The following LNX1 variants were observed in gnomAD, a reference collection of about 807,000 sequenced individuals.
The protein encoded by LNX1 is E3 ubiquitin-protein ligase LNX.
LNX1 carries 54 observed loss-of-function variants against 68.4 expected under a neutral mutation model. That is an observed-to-expected ratio of 0.79 (90% confidence interval 0.63 to 0.99). The LOEUF (loss-of-function observed/expected upper bound fraction) is 0.99, where lower values mean the gene tolerates loss of function less well. LNX1 is among the 50% of genes least tolerant of loss of function. The pLI is 0.00. For synonymous variants in LNX1, 336 were observed against 350.0 expected, an observed-to-expected ratio of 0.96 and a Z score of 0.45; for missense variants, 906 against 926.4, an observed-to-expected ratio of 0.98 and a Z score of 0.29.
intron 1 of LNX1, chr4:53,576,150 G>C (rs1437614147): frequency 2.6e-6 from 4 of 1,565,916 alleles, no homozygotes; most frequent in Non-Finnish European, 3.5e-6. Context: ...AGCAGCAGGG[G>C]GCCTGGCTGC....
Position 53,459,875 on chromosome 4 carries a change from T to TATCA in LNX1, c.*1028_*1031dup, listed in dbSNP as rs575008436. On this transcript the variant is annotated 3_prime_UTR_variant, in exon 11 of 11. Coordinates refer to ENST00000263925, the MANE Select transcript of LNX1 (RefSeq NM_001126328.3). ...AAGGCTTGAGATTAAAACTAGTCTTTATCATTACTGCTGTGACACTCTTGC... is the reference window on the plus strand; with the variant it reads ...AAGGCTTGAGATTAAAACTAGTCTTTATCAATCATTACTGCTGTGACACTCTTGC... 1.3e-3 allele frequency: 299 copies of TATCA among 236,462 alleles called. No individual in the cohort carries two copies. Among genetic ancestry groups the TATCA allele is most frequent in the African/African-American group, 6.2e-3 (280 of 45,012 alleles). The allele number at this position is 236,462 out of a possible 1,614,324, so 14.6% of individuals were successfully genotyped here.
chr4:53,572,301 G>T (rs1263394493), intron 2 of LNX1, among the ~76,000 whole-genome samples: 1 of 152,166 alleles, frequency 6.6e-6, no homozygotes, highest in Non-Finnish European at 1.5e-5. Context: ...GGGAATGAGG[G>T]AGGTAGGGCA....
At chr4:53,481,285 C>T (rs1438329342) in intron 7 of LNX1, among the ~76,000 whole-genome samples, 1 of 152,166 alleles carries the variant, frequency 6.6e-6, no homozygotes, top group East Asian at 1.9e-4. Context: ...TCTTCCTGGG[C>T]CCTTCGGCAA....
At chr4:53,468,777 C>A (rs1284661794) in intron 9 of LNX1, among the ~76,000 whole-genome samples, 1 of 152,216 alleles carries the variant, frequency 6.6e-6, no homozygotes, top group Non-Finnish European at 1.5e-5. Flanking sequence ...ATCAATTCAA[C>A]AAGAAGAGCT....
chr4:53,477,014 T>C (rs535177300), intron 8 of LNX1, 33 bp from the exon 9 acceptor site: 4 of 1,567,854 alleles, frequency 2.6e-6, no homozygotes, highest in East Asian at 4.5e-5. Flanking sequence ...CTATCTTTAG[T>C]GAGAGCACAA....
At chr4:53,495,589 C>T (rs2109466719) in intron 6 of LNX1, among the ~76,000 whole-genome samples, 1 of 137,824 alleles carries the variant, frequency 7.3e-6, no homozygotes, top group South Asian at 2.4e-4. Context: ...ATTGCTCAGG[C>T]TAGAGTGCAG....
In LNX1 at chr4:53,558,263, A is replaced by G. The variant is rs192231017; in HGVS notation, c.380+15360T>C. 177 of 1,198,856 alleles carry G rather than the reference A, an allele frequency of 1.5e-4. No individual in the cohort carries two copies. The East Asian group carries it at 8.2e-3, about 56-fold the overall frequency. The allele number at this position is 1,198,856 out of a possible 1,614,324, so 74.3% of individuals were successfully genotyped here. On this transcript the variant is annotated intron_variant, in intron 2 of 10. Coordinates refer to ENST00000263925, the MANE Select transcript of LNX1 (RefSeq NM_001126328.3). ...CAGGAAAGGAACCAGCCCCTCCTGC[A>G]GGATGCGGACTGGTTCTTGGGAAGC... is the stretch of plus-strand genomic sequence containing the variant.
chr4:53,461,112 TTAG>T (rs1480900998), intron 10 of LNX1, 70 bp from the exon 11 acceptor site: 44 of 1,338,154 alleles, frequency 3.3e-5, no homozygotes, highest in African/African-American at 4.5e-5. Flanking sequence ...CAAGTTTATC[TTAG>T]TGGTGCTAGA....
At chr4:53,541,987 G>A (rs1728795162) in intron 2 of LNX1, among the ~76,000 whole-genome samples, 1 of 152,132 alleles carries the variant, frequency 6.6e-6, no homozygotes, top group African/African-American at 2.4e-5. Context: ...CATGGCCCTG[G>A]GGAATAGAAT....
chr4:53,462,218 A>AGTT (rs746385362), intron 9 of LNX1, among the ~76,000 whole-genome samples: 1 of 152,124 alleles, frequency 6.6e-6, no homozygotes, highest in African/African-American at 2.4e-5. Flanking sequence ...CTGGATAGGA[A>AGTT]GTTATAAAAG....
At chr4:53,461,063 A>G in intron 10 of LNX1, 21 bp from the exon 11 acceptor site, 2 of 1,542,350 alleles carry the variant, frequency 1.3e-6, no homozygotes, top group Non-Finnish European at 1.7e-6. Flanking sequence ...AAACAAAACA[A>G]GATATGATTA....
chr4:53,460,953 C>A lies in LNX1; in HGVS notation c.2141G>T (p.Gly714Val). ...AGAAACAATAGTTAGAGTAATTCTT[C>A]CTTTAAGTTCTTTCAGCAGTCTTGC... Reference protein sequence around the residue: ...CLARLLKELKGRITLTIVSWP... With the variant: ...CLARLLKELKVRITLTIVSWP... The change falls in exon 11 of 11, where the codon GGA becomes GTA. Residue 714 changes from glycine to valine, a missense_variant. By Grantham distance (109) the Gly-to-Val change is moderately radical. Coordinates refer to ENST00000263925, the MANE Select transcript of LNX1 (RefSeq NM_001126328.3). 6.2e-7 allele frequency: 1 copy of A among 1,610,178 alleles called. No individual in the cohort carries two copies. The highest frequency in any genetic ancestry group is 8.5e-7 in the Non-Finnish European group (1 of 1,178,220).
In LNX1 at chr4:53,508,170, A is replaced by G; in HGVS notation, c.438T>C (p.Asp146=). ...GGCTCGCACAGCCGTCTGGACAGCC[A>G]TCTTGTGAGCGCCTCTTCCTATCTT... ...LTKDRKRRSQ[D]GCPDGCASLT... is the part of the protein sequence containing the mutation. Residue 146 remains aspartate (D), a synonymous_variant, in exon 3 of 11, where the codon GAT becomes GAC. Coordinates refer to ENST00000263925, the MANE Select transcript of LNX1 (RefSeq NM_001126328.3). 6.2e-7 allele frequency: 1 copy of G among 1,614,184 alleles called. No homozygotes were observed. Among genetic ancestry groups the G allele is most frequent in the Non-Finnish European group, 8.5e-7 (1 of 1,180,018 alleles).
chr4:53,525,188 T>C (rs1727522781), intron 2 of LNX1, among the ~76,000 whole-genome samples: 2 of 151,934 alleles, frequency 1.3e-5, no homozygotes, highest in African/African-American at 2.4e-5. Flanking sequence ...AAAAATTAAC[T>C]AAAAGCTCTG....
At position 53,461,546 on chromosome 4, in the gene LNX1, C is replaced by A. The variant is rs752322889; in HGVS notation, c.1940G>T (p.Gly647Val). ...KDIVLRRNTAGSLGFCIVGGY... is the reference protein window; with the variant it reads ...KDIVLRRNTAVSLGFCIVGGY... ...TCCTACAATGCAGAAGCCCAGACTTCCAGCTGTGTTTCTTCGTAATACAAT... is the reference window on the plus strand; with the variant it reads ...TCCTACAATGCAGAAGCCCAGACTTACAGCTGTGTTTCTTCGTAATACAAT... The change falls in exon 10 of 11, where the codon GGA becomes GTA. Residue 647 changes from glycine (G) to valine (V), a missense_variant. Gly to Val is a moderately radical substitution (Grantham distance 109). Transcript: ENST00000263925. 6.8e-6 allele frequency: 11 copies of A among 1,612,056 alleles called. No individual in the cohort carries two copies. In the African/African-American group the frequency reaches 1.5e-4, roughly 22 times the overall value.
intron 4 of LNX1, among the ~76,000 whole-genome samples, chr4:53,501,154 A>G (rs1725444769): frequency 2.0e-5 from 3 of 152,286 alleles, no homozygotes; most frequent in Admixed American, 2.0e-4. Flanking sequence ...TTATGTCCTT[A>G]CTCAAGGACT....
intron 4 of LNX1, among the ~76,000 whole-genome samples, chr4:53,504,948 T>A (rs1725769092): frequency 1.3e-5 from 2 of 152,098 alleles, no homozygotes; most frequent in South Asian, 4.2e-4. Context: ...ACAGATATAA[T>A]AATGAAAAAG....
chr4:53,587,265 C>T (rs1244368362), intron 1 of LNX1, among the ~76,000 whole-genome samples: 1 of 152,160 alleles, frequency 6.6e-6, no homozygotes, highest in Non-Finnish European at 1.5e-5. Flanking sequence ...AGACAACAAA[C>T]GTTTTCTGTT....
In LNX1 at chr4:53,573,879, G is replaced by A; in HGVS notation, c.124C>T (p.His42Tyr). ...PEEVDDDLICHICLQALLDPL... is the reference protein window; with the variant it reads ...PEEVDDDLICYICLQALLDPL... ...TCCAGCAAAGCCTGCAGGCAGATGT[G>A]GCAGATGAGGTCATCATCCACTTCC... Residue 42 changes from histidine (H) to tyrosine (Y), a missense_variant, in exon 2 of 11, where the codon CAC (histidine) becomes TAC (tyrosine). Coordinates refer to ENST00000263925, the MANE Select transcript of LNX1 (RefSeq NM_001126328.3). 6.2e-7 allele frequency: 1 copy of A among 1,613,832 alleles called. No homozygotes were observed. The highest frequency in any genetic ancestry group is 8.5e-7 in the Non-Finnish European group (1 of 1,179,846).
Sources: gnomAD v4.1 joint callset for allele counts (sites outside exome capture counted in the v4.1 genomes callset) on GRCh38, gnomAD v4.1.1 for gene constraint, MANE v1.5 for transcripts, NCBI Gene and HGNC (gene_info 2026-07-23, HGNC 2026-07-21) for gene names.